Variants in NRG3 observed in about 807,000 individuals in gnomAD.
The protein encoded by NRG3 is pro-neuregulin-3, membrane-bound isoform.
A neutral mutation model predicts 66.9 loss-of-function variants in NRG3; 31 were observed. That is an observed-to-expected ratio of 0.46 (90% CI 0.35 to 0.63). The LOEUF (loss-of-function observed/expected upper bound fraction) is 0.63. Among genes scored for constraint, NRG3 ranks in the 20% least tolerant of loss-of-function variants. The pLI, the probability that NRG3 is intolerant of heterozygous loss-of-function variation, is 0.00. For synonymous variants in NRG3, 393 were observed against 359.4 expected (o/e 1.09, Z -1.06); for missense variants, 910 against 878.9 (o/e 1.04, Z -0.45).
intron 3 of NRG3, among the ~76,000 whole-genome samples, chr10:82,747,444 T>G (rs1469782787): frequency 6.6e-6 from 1 of 152,060 alleles, no homozygotes; most frequent in Non-Finnish European, 1.5e-5. Context: ...AGAAAGATTA[T>G]ATCTGTTTAC....
chr10:81,923,932 C>A (rs1180552393), intron 1 of NRG3, among the ~76,000 whole-genome samples: 3 of 152,124 alleles, frequency 2.0e-5, no homozygotes, highest in African/African-American at 7.2e-5. Flanking sequence ...AAACAGGCTG[C>A]GTATGTGCCT....
intron 2 of NRG3, among the ~76,000 whole-genome samples, chr10:82,374,684 C>A (rs1464642553): frequency 6.6e-6 from 1 of 152,124 alleles, no homozygotes; most frequent in East Asian, 1.9e-4. Flanking sequence ...GATGACTGTG[C>A]TGTGGGTCCA....
rs528342284 is a variant in NRG3 at position 82,536,957 on chromosome 10, A to T, written c.953+178089A>T. On this transcript the variant is annotated intron_variant, in intron 2 of 8. Transcript: ENST00000372141. ...CTTATTATTAAAGATATTCTGACCA[A>T]AAAAGATAAGTTGACATGAATAAGC... 1.2e-3 allele frequency among the ~76,000 whole-genome samples: 180 copies of T among 151,968 alleles called. 1 individual carries two copies. The highest frequency in any genetic ancestry group is 2.1e-3 in the Non-Finnish European group (141 of 67,914).
intron 1 of NRG3, among the ~76,000 whole-genome samples, chr10:82,193,229 G>A (rs1300013528): frequency 6.6e-6 from 1 of 152,118 alleles, no homozygotes; most frequent in Non-Finnish European, 1.5e-5. Context: ...TGCAACCTCT[G>A]TCTCCTGGGT....
chr10:82,216,452 T>TTA (rs769676216), intron 1 of NRG3, among the ~76,000 whole-genome samples: 6 of 143,524 alleles, frequency 4.2e-5, no homozygotes, highest in African/African-American at 1.1e-4. Flanking sequence ...AAAATACATT[T>TTA]TATATATATG....
At chr10:81,935,876 AACAC>A (rs55670416) in intron 1 of NRG3, among the ~76,000 whole-genome samples, 17,470 of 132,300 alleles carry the variant, frequency 0.13, 1,287 homozygotes, top group South Asian at 0.2. Context: ...TCAGTGCCTG[AACAC>A]ACACACACAC....
chr10:82,589,430 C>T (rs2046858039), intron 2 of NRG3, among the ~76,000 whole-genome samples: 1 of 152,110 alleles, frequency 6.6e-6, no homozygotes, highest in Admixed American at 6.5e-5. Flanking sequence ...TGTAGTGTCA[C>T]TACTAGAGAG....
chr10:82,471,293 G>A (rs931790796), intron 2 of NRG3, among the ~76,000 whole-genome samples: 1 of 151,956 alleles, frequency 6.6e-6, no homozygotes, highest in East Asian at 1.9e-4. Flanking sequence ...CCCTACAAAC[G>A]GTCCGAACTT....
intron 1 of NRG3, among the ~76,000 whole-genome samples, chr10:82,221,823 A>G (rs899244815): frequency 2.6e-5 from 4 of 152,118 alleles, no homozygotes; most frequent in Non-Finnish European, 4.4e-5. Context: ...TGAGTTGCCA[A>G]GAGTTGTCAC....
chr10:82,064,944 A>G (rs1211479821), intron 1 of NRG3, among the ~76,000 whole-genome samples: 2 of 152,230 alleles, frequency 1.3e-5, no homozygotes, highest in Non-Finnish European at 2.9e-5. Flanking sequence ...ATGCACACAT[A>G]AAGAATTTCA....
chr10:82,501,496 T>A (rs1460990479), intron 2 of NRG3, among the ~76,000 whole-genome samples: 3 of 152,120 alleles, frequency 2.0e-5, no homozygotes, highest in Non-Finnish European at 2.9e-5. Context: ...CCATGGGCTT[T>A]CTGGTCTCTT....
chr10:82,721,330 G>T (rs1333584634), intron 2 of NRG3, among the ~76,000 whole-genome samples: 2 of 151,108 alleles, frequency 1.3e-5, no homozygotes, highest in Non-Finnish European at 2.9e-5. Context: ...AGTAGAGGCG[G>T]TGTTTCACTA....
chr10:82,810,463 A>G (rs1030489708), intron 3 of NRG3, among the ~76,000 whole-genome samples: 1 of 152,130 alleles, frequency 6.6e-6, no homozygotes, highest in African/African-American at 2.4e-5. Context: ...CAAACAGATC[A>G]GTAAAGAAGT....
rs71009811 is a variant in NRG3 at position 82,522,039 on chromosome 10, C to CTT, written c.953+163192_953+163193dup. On this transcript the variant is annotated intron_variant, in intron 2 of 8. Coordinates refer to ENST00000372141, the MANE Select transcript of NRG3 (RefSeq NM_001010848.4). ...TCTGCAGTTACTTTTCCGCTGAAGT[C>CTT]TTTTTTTTTTTTTTTTTTTTTTGAG... Among the ~76,000 whole-genome samples the CTT allele has an allele frequency of 4.5e-3, 442 of 97,702 alleles. 1 individual carries two copies. Among genetic ancestry groups the CTT allele is most frequent in the Middle Eastern group, 6.3e-3 (1 of 158 alleles). 64.1% of individuals were successfully genotyped at this position (97,702 alleles called of 152,430 possible).
At chr10:81,972,891 A>C (rs992037007) in intron 1 of NRG3, among the ~76,000 whole-genome samples, 11 of 152,202 alleles carry the variant, frequency 7.2e-5, no homozygotes, top group Admixed American at 1.3e-4. Context: ...TCATTAATAC[A>C]ATGTAATTTA....
At position 81,989,028 on chromosome 10, in the gene NRG3, G is replaced by A. The variant is rs578120443; in HGVS notation, c.823+112865G>A. On this transcript the variant is annotated intron_variant, in intron 1 of 8. Coordinates refer to ENST00000372141, the MANE Select transcript of NRG3 (RefSeq NM_001010848.4). ...GGAATGGACTAGGGTGGTTAGAGCA[G>A]AAATGAAATTACACTCTCTGTATAT... Among the ~76,000 whole-genome samples the A allele has an allele frequency of 2.6e-5, 4 of 152,214 alleles. No homozygotes were observed. The South Asian group carries it at 6.2e-4, about 24-fold the overall frequency.
intron 1 of NRG3, among the ~76,000 whole-genome samples, chr10:82,054,840 T>TACAAAAAATA (rs59233722): frequency 9.9e-5 from 15 of 151,342 alleles, no homozygotes; most frequent in Non-Finnish European, 2.1e-4. Context: ...ACCCCAGATC[T>TACAAAAAATA]ATAAAAAAAA....
intron 4 of NRG3, among the ~76,000 whole-genome samples, chr10:82,943,816 G>T (rs1848774040): frequency 6.6e-6 from 1 of 152,064 alleles, no homozygotes; most frequent in Non-Finnish European, 1.5e-5. Flanking sequence ...ACACAGGGGG[G>T]AAAAATTTTA....
intron 1 of NRG3, among the ~76,000 whole-genome samples, chr10:81,985,306 G>A (rs1174691050): frequency 1.3e-5 from 2 of 152,192 alleles, no homozygotes; most frequent in African/African-American, 4.8e-5. Flanking sequence ...CAGCTGGAAG[G>A]TTTTCCACTG....
Sources: allele counts gnomAD v4.1 joint callset (sites outside exome capture counted in the v4.1 genomes callset), GRCh38; gene constraint gnomAD v4.1.1; transcripts MANE v1.5; gene names NCBI Gene and HGNC (gene_info 2026-07-23, HGNC 2026-07-21).